The following SPATA13 variants were observed in gnomAD, a reference collection of about 807,000 sequenced individuals.
SPATA13 encodes spermatogenesis-associated protein 13.
SPATA13 carries 50 observed loss-of-function variants against 104.0 expected under a neutral mutation model. The ratio of observed to expected loss-of-function variants is 0.48; its 90% CI spans 0.38 to 0.61. The LOEUF (loss-of-function observed/expected upper bound fraction) is 0.61, where lower values mean the gene tolerates loss of function less well. SPATA13 is among the 20% of genes least tolerant of loss of function. The pLI, the probability that SPATA13 is intolerant of heterozygous loss-of-function variation, is 0.00. For missense variants in SPATA13, 1,524 were observed against 1,690.6 expected (o/e 0.90, Z 1.73); for synonymous variants, 606 against 667.5 (o/e 0.91, Z 1.42).
chr13:24,182,303 C>A (rs1468600754), intron 1 of SPATA13, among the ~76,000 whole-genome samples: 2 of 151,990 alleles, frequency 1.3e-5, no homozygotes, highest in Non-Finnish European at 2.9e-5. Context: ...TTTTGTTTTG[C>A]TATAAAGGAA....
rs868569099 is a variant in SPATA13 at position 24,223,579 on chromosome 13, C to T, written c.650C>T (p.Ala217Val). 22 of 1,549,910 alleles carry T rather than the reference C, an allele frequency of 1.4e-5. No individual in the cohort carries two copies. The highest frequency in any genetic ancestry group is 5.5e-5 in the African/African-American group (4 of 73,070). The change falls in exon 2 of 13, where the codon GCG (alanine) becomes GTG (valine). Residue 217 changes from alanine to valine, a missense_variant. By Grantham distance (64) the Ala-to-Val change is moderately conservative (BLOSUM62 0). This residue lies in a region of SPATA13 where 1,089 missense variants were observed against 1,135.9 expected (regional missense o/e 0.96). Transcript: ENST00000382108. The part of the protein sequence containing the change: ...YGLGRICLLD[A>V]PQNHATPTIA... Reference sequence around the variant, plus strand: ...CTGGGCCGCATCTGCCTGCTGGATGCGCCCCAGAACCATGCGACACCCACG... The same window carrying T: ...CTGGGCCGCATCTGCCTGCTGGATGTGCCCCAGAACCATGCGACACCCACG...
chr13:24,238,192 T>C (rs1228932040), intron 2 of SPATA13, among the ~76,000 whole-genome samples: 1 of 146,466 alleles, frequency 6.8e-6, no homozygotes, highest in African/African-American at 2.5e-5. Context: ...ACTCTTGCTC[T>C]GTCTCCCAGA....
chr13:24,067,422 T>C (rs1879003126), intron 3 of SPATA13, among the ~76,000 whole-genome samples: 1 of 152,164 alleles, frequency 6.6e-6, no homozygotes, highest in Admixed American at 6.5e-5. Flanking sequence ...AAACTGGGTG[T>C]CTTCATAAAA....
chr13:24,174,462 G>A lies in SPATA13; in HGVS notation c.-112+13530G>A, dbSNP rs190355110. ...TCTTCTTTTCTTATATGAGCATTTCGTGCTATCAGTTTCCCTCACAGCACT... is the reference window on the plus strand; with the variant it reads ...TCTTCTTTTCTTATATGAGCATTTCATGCTATCAGTTTCCCTCACAGCACT... On this transcript the variant is annotated intron_variant, in intron 1 of 12. Transcript: ENST00000382108. Among the ~76,000 whole-genome samples, 94 of 151,632 alleles carry A rather than the reference G, an allele frequency of 6.2e-4. No individual in the cohort carries two copies. The East Asian group carries it at 7.0e-3, about 11-fold the overall frequency.
chr13:24,116,778 C>A (rs988653475), intron 3 of SPATA13, among the ~76,000 whole-genome samples: 2 of 144,512 alleles, frequency 1.4e-5, no homozygotes, highest in East Asian at 2.1e-4. Context: ...AGCCCCCCCC[C>A]CCCAATGTGC....
chr13:24,251,462 C>CTATT, intron 3 of SPATA13: 1 of 985,278 alleles, frequency 1.0e-6, no homozygotes, highest in Non-Finnish European at 1.2e-6. Flanking sequence ...TTAGTGTGAC[C>CTATT]TATTGGCATG....
chr13:24,125,201 G>A (rs534252888), intron 3 of SPATA13, among the ~76,000 whole-genome samples: 616 of 152,328 alleles, frequency 4.0e-3, no homozygotes, highest in African/African-American at 0.014. Context: ...CTCTGGAATC[G>A]GTGCTTAGTG....
intron 2 of SPATA13, among the ~76,000 whole-genome samples, chr13:24,232,521 C>G (rs1031261411): frequency 3.9e-5 from 6 of 152,300 alleles, no homozygotes; most frequent in Middle Eastern, 3.4e-3. Flanking sequence ...TTCTCACAGT[C>G]TGGCTTGTCT....
chr13:24,177,876 T>A (rs1868531132), intron 1 of SPATA13, among the ~76,000 whole-genome samples: 1 of 152,058 alleles, frequency 6.6e-6, no homozygotes, highest in Non-Finnish European at 1.5e-5. Flanking sequence ...AATTTTTTTT[T>A]AATTGGGCCT....
intron 1 of SPATA13, among the ~76,000 whole-genome samples, chr13:24,177,016 T>C (rs911739328): frequency 3.9e-5 from 6 of 152,148 alleles, no homozygotes; most frequent in African/African-American, 1.4e-4. Context: ...CCACCAGCCT[T>C]GGCCTCCCAA....
At chr13:24,037,082 CA>C (rs1296348114) in intron 3 of SPATA13, among the ~76,000 whole-genome samples, 2 of 151,418 alleles carry the variant, frequency 1.3e-5, no homozygotes, top group Admixed American at 1.3e-4. Context: ...CTGATGCTGT[CA>C]ATTTTAAATT....
chr13:24,206,184 G>C (rs187082646), intron 1 of SPATA13, among the ~76,000 whole-genome samples: 1 of 152,044 alleles, frequency 6.6e-6, no homozygotes, highest in African/African-American at 2.4e-5. Flanking sequence ...ATCTGACAAA[G>C]GTCTAACATC....
Position 24,269,789 on chromosome 13 carries a change from A to G in SPATA13, c.2165-14346A>G, listed in dbSNP as rs1874478280. On this transcript the variant is annotated intron_variant, in intron 4 of 12. Coordinates refer to ENST00000382108, the MANE Select transcript of SPATA13 (RefSeq NM_001166271.3). ...TTTTTAGTAGAGACAGGACCTTGCT[A>G]TGTTGCCCAGGCTTGTCTCAAACTC... Among the ~76,000 whole-genome samples, 3 of 103,346 alleles carry G rather than the reference A, an allele frequency of 2.9e-5. 1 individual carries two copies. 67.8% of individuals were successfully genotyped at this position (103,346 alleles called of 152,430 possible). A position where few individuals can be genotyped will look rare whatever the true frequency, so the allele number is the denominator to read the frequency against.
At chr13:24,122,794 G>A (rs1593344232) in intron 3 of SPATA13, 1 of 780,374 alleles carries the variant, frequency 1.3e-6, no homozygotes, top group East Asian at 2.4e-5. Context: ...CACATCTGTG[G>A]AGACTCTCGT....
At chr13:24,163,023 C>G (rs946867217) in intron 1 of SPATA13, among the ~76,000 whole-genome samples, 5 of 152,204 alleles carry the variant, frequency 3.3e-5, no homozygotes, top group African/African-American at 1.2e-4. Context: ...AAGCCTGGGG[C>G]CAGTGCCTGG....
intron 3 of SPATA13, among the ~76,000 whole-genome samples, chr13:24,121,219 GGGAGCTGT>G (rs1881021863): frequency 6.6e-6 from 1 of 152,122 alleles, no homozygotes; most frequent in South Asian, 2.1e-4. Context: ...AGGACACAGA[GGGAGCTGT>G]CATTTTTAGC....
At chr13:24,049,540 TA>T (rs1236447789) in intron 3 of SPATA13, among the ~76,000 whole-genome samples, 2 of 152,086 alleles carry the variant, frequency 1.3e-5, no homozygotes, top group African/African-American at 4.8e-5. Flanking sequence ...TGACTAGACC[TA>T]AGAAGGTGTT....
At chr13:24,017,838 A>G (rs1194640077) in intron 3 of SPATA13, 1 of 337,712 alleles carries the variant, frequency 3.0e-6, no homozygotes, top group East Asian at 1.7e-4. Context: ...TACTGTTAAA[A>G]TCACCACAAA....
chr13:23,998,985 G>A (rs1875824160), intron 2 of SPATA13, among the ~76,000 whole-genome samples: 1 of 148,720 alleles, frequency 6.7e-6, no homozygotes, highest in Non-Finnish European at 1.5e-5. Context: ...GAGTGAAGTG[G>A]CACAGTCTCT....
Sources: allele counts gnomAD v4.1 joint callset (sites outside exome capture counted in the v4.1 genomes callset), GRCh38; gene constraint gnomAD v4.1.1; regional missense constraint gnomAD v4.1.1; transcripts MANE v1.5; gene names NCBI Gene and HGNC (gene_info 2026-07-23, HGNC 2026-07-21).